The following DAB1 variants were observed in gnomAD, a reference collection of about 807,000 sequenced individuals.
The protein encoded by DAB1 is disabled homolog 1.
In DAB1, 15 loss-of-function variants were observed where a neutral mutation model predicts 64.6. The ratio of observed to expected loss-of-function variants is 0.23; its 90% CI spans 0.16 to 0.36. The LOEUF (loss-of-function observed/expected upper bound fraction) is 0.36. Among genes scored for constraint, DAB1 ranks in the 10% least tolerant of loss-of-function variants. The pLI is 1.00. For missense variants in DAB1, 596 were observed against 706.7 expected (o/e 0.84, Z 1.78); for synonymous variants, 235 against 251.9 (o/e 0.93, Z 0.64).
intron 2 of DAB1, among the ~76,000 whole-genome samples, chr1:57,278,565 A>C (rs1363554876): frequency 6.6e-6 from 1 of 152,172 alleles, no homozygotes; most frequent in Non-Finnish European, 1.5e-5. Context: ...CACAAGGCTT[A>C]ATTCCATGGA....
chr1:57,494,291 A>G (rs955512344), intron 7 of DAB1, among the ~76,000 whole-genome samples: 2 of 151,544 alleles, frequency 1.3e-5, no homozygotes, highest in Admixed American at 1.3e-4. Flanking sequence ...TTCTCATTCT[A>G]TTGAAGTTCC....
intron 5 of DAB1, among the ~76,000 whole-genome samples, chr1:57,920,845 C>T (rs930713200): frequency 7.2e-5 from 11 of 152,164 alleles, no homozygotes; most frequent in African/African-American, 2.4e-4. Context: ...GTTGCTGGGA[C>T]TATAAATTGG....
In DAB1 at chr1:58,421,240, C is replaced by G. The variant is rs570192955; in HGVS notation, n.258-77837G>C. Among the ~76,000 whole-genome samples, 5 of 152,310 alleles carry G rather than the reference C, an allele frequency of 3.3e-5. No individual in the cohort carries two copies. In the East Asian group the frequency reaches 9.6e-4, roughly 29 times the overall value. ...GCTGGGTTAATATATTCATTAGGGA[C>G]AGGCACGAGCAACATGATATTAATA... On this transcript the variant is annotated intron_variant and non_coding_transcript_variant, in intron 3 of 20. Coordinates refer to the DAB1 transcript ENST00000485760.
chr1:57,605,972 G>T, intron 7 of DAB1: 4 of 682,674 alleles, frequency 5.9e-6, no homozygotes, highest in South Asian at 5.4e-5. Flanking sequence ...ATCTGGAAAC[G>T]ACCTCATGTC....
intron 7 of DAB1, among the ~76,000 whole-genome samples, chr1:57,619,752 C>T (rs1392306406): frequency 2.0e-5 from 3 of 152,088 alleles, no homozygotes; most frequent in Non-Finnish European, 1.5e-5. Flanking sequence ...CAAGAGTGTC[C>T]TATGAAATAT....
At chr1:57,452,052 T>C (rs1310312810) in intron 7 of DAB1, among the ~76,000 whole-genome samples, 2 of 151,182 alleles carry the variant, frequency 1.3e-5, no homozygotes, top group Non-Finnish European at 1.5e-5. Flanking sequence ...CAGAGTATCA[T>C]CCCAAGAGAG....
At chr1:57,559,156 C>T (rs2101499433) in intron 7 of DAB1, among the ~76,000 whole-genome samples, 1 of 152,340 alleles carries the variant, frequency 6.6e-6, no homozygotes, top group East Asian at 1.9e-4. Context: ...AATAGTCTGA[C>T]TCATGTAGAG....
chr1:57,331,737 A>G (rs1676688905), intron 1 of DAB1, among the ~76,000 whole-genome samples: 1 of 152,164 alleles, frequency 6.6e-6, no homozygotes, highest in South Asian at 2.1e-4. Flanking sequence ...AAAGCCTTTT[A>G]CCCTTCCCAC....
chr1:58,441,914 A>G (rs1645013557), intron 3 of DAB1, among the ~76,000 whole-genome samples: 1 of 152,170 alleles, frequency 6.6e-6, no homozygotes, highest in African/African-American at 2.4e-5. Flanking sequence ...AGAGTAATTG[A>G]GGGCATCCTG....
chr1:57,691,774 C>T (rs1158101699), intron 6 of DAB1, among the ~76,000 whole-genome samples: 1 of 152,142 alleles, frequency 6.6e-6, no homozygotes, highest in Non-Finnish European at 1.5e-5. Flanking sequence ...ATTCCAGACA[C>T]ATTTTGGCAA....
At chr1:58,248,926 A>G (rs554601585) in intron 4 of DAB1, among the ~76,000 whole-genome samples, 1 of 152,150 alleles carries the variant, frequency 6.6e-6, no homozygotes, top group African/African-American at 2.4e-5. Context: ...AAGGCACAGT[A>G]AGGAACCTCG....
chr1:57,043,691 A>G (rs1476832593), intron 9 of DAB1, among the ~76,000 whole-genome samples: 1 of 152,140 alleles, frequency 6.6e-6, no homozygotes, highest in Non-Finnish European at 1.5e-5. Flanking sequence ...TACTAAAAAT[A>G]CAAAAATTAG....
intron 7 of DAB1, among the ~76,000 whole-genome samples, chr1:57,571,470 A>C (rs1645193379): frequency 6.6e-6 from 1 of 152,180 alleles, no homozygotes; most frequent in Non-Finnish European, 1.5e-5. Context: ...CCAGCAGTTG[A>C]GAAATGGGGT....
intron 6 of DAB1, among the ~76,000 whole-genome samples, chr1:57,750,793 T>C (rs1043999221): frequency 6.6e-6 from 1 of 152,112 alleles, no homozygotes; most frequent in African/African-American, 2.4e-5. Flanking sequence ...GGCTTGAAGG[T>C]AGAGGTCATA....
intron 1 of DAB1, among the ~76,000 whole-genome samples, chr1:57,851,174 G>C (rs772561435): frequency 7.9e-5 from 12 of 152,192 alleles, no homozygotes; most frequent in Non-Finnish European, 1.3e-4. Flanking sequence ...TCGAGGGTCT[G>C]ACAATAGTTA....
At chr1:58,069,027 G>A (rs998734804) in intron 5 of DAB1, among the ~76,000 whole-genome samples, 1 of 152,162 alleles carries the variant, frequency 6.6e-6, no homozygotes, top group Non-Finnish European at 1.5e-5. Context: ...AGCACACAAA[G>A]ACATGTTGAA....
At chr1:57,243,345 G>A (rs1351669868) in intron 2 of DAB1, among the ~76,000 whole-genome samples, 1 of 152,190 alleles carries the variant, frequency 6.6e-6, no homozygotes, top group East Asian at 1.9e-4. Flanking sequence ...AGTGGTTAAT[G>A]GTGCATCTCT....
chr1:57,833,561 G>A (rs1157963775), intron 1 of DAB1, among the ~76,000 whole-genome samples: 3 of 152,172 alleles, frequency 2.0e-5, no homozygotes, highest in African/African-American at 4.8e-5. Flanking sequence ...AAAGATTAAT[G>A]TCAGGAGCAT....
At chr1:58,123,239 TC>T (rs1557659888) in intron 5 of DAB1, among the ~76,000 whole-genome samples, 1 of 152,078 alleles carries the variant, frequency 6.6e-6, no homozygotes, top group African/African-American at 2.4e-5. Flanking sequence ...CTTTCCACTG[TC>T]CCCAGCTGTG....
Sources: allele counts gnomAD v4.1 joint callset (sites outside exome capture counted in the v4.1 genomes callset), GRCh38; gene constraint gnomAD v4.1.1; transcripts MANE v1.5; gene names NCBI Gene and HGNC (gene_info 2026-07-23, HGNC 2026-07-21).